ACSM2A: variants seen among roughly 807,000 people sequenced by gnomAD.
ACSM2A encodes acyl-coenzyme A synthetase ACSM2A, mitochondrial.
In ACSM2A, 72 loss-of-function variants were observed where a neutral mutation model predicts 76.6. The observed-to-expected ratio is 0.94, with a 90% CI of 0.78 to 1.14. ACSM2A has a LOEUF of 1.14. Among genes scored for constraint, ACSM2A ranks in the 50% most tolerant of loss-of-function variants. The pLI is 0.00. For missense variants in ACSM2A, 684 were observed against 708.5 expected (o/e 0.97, Z 0.39); for synonymous variants, 249 against 255.9 (o/e 0.97, Z 0.26).
chr16:20,462,689 T>C (rs373363796), intron 2 of ACSM2A, among the ~76,000 whole-genome samples: 1 of 152,086 alleles, frequency 6.6e-6, no homozygotes, highest in Non-Finnish European at 1.5e-5. Context: ...TATTTTACAA[T>C]AAAACAGAGA....
At chr16:20,464,504 G>T (rs1448293399) in intron 2 of ACSM2A, among the ~76,000 whole-genome samples, 1 of 152,092 alleles carries the variant, frequency 6.6e-6, no homozygotes, top group African/African-American at 2.4e-5. Context: ...CACAATAAAG[G>T]GCAAGATGAG....
At chr16:20,485,627 T>C (rs1475371421) in intron 13 of ACSM2A, among the ~76,000 whole-genome samples, 2 of 152,188 alleles carry the variant, frequency 1.3e-5, no homozygotes, top group Non-Finnish European at 2.9e-5. Context: ...AAACAGGAAG[T>C]GGGCTGTATT....
chr16:20,480,868 C>G lies in ACSM2A; in HGVS notation c.1456C>G (p.Pro486Ala). 3 of 1,613,888 alleles carry G rather than the reference C, an allele frequency of 1.9e-6. No individual in the cohort carries two copies. Among genetic ancestry groups the G allele is most frequent in the Non-Finnish European group, 2.5e-6 (3 of 1,179,852 alleles). ...GGTAGAGAATGCACTGATGGAGCAC[C>G]CTGCTGTGGTTGAGACGGCTGTGAT... is the stretch of plus-strand genomic sequence containing the variant. ...SEVENALMEH[P>A]AVVETAVISS... Residue 486 changes from proline to alanine, a missense_variant, in exon 12 of 14, where the codon CCT becomes GCT. Physicochemically the swap from Pro to Ala is conservative, Grantham distance 27 (BLOSUM62 -1). Transcript: ENST00000573854.
At chr16:20,464,104 G>A (rs1249742090) in intron 2 of ACSM2A, among the ~76,000 whole-genome samples, 1 of 152,134 alleles carries the variant, frequency 6.6e-6, no homozygotes, top group Non-Finnish European at 1.5e-5. Flanking sequence ...TTTGAAATCT[G>A]GTCAGCCTGC....
chr16:20,479,183 A>G (rs1162603010), intron 10 of ACSM2A, among the ~76,000 whole-genome samples: 1 of 152,168 alleles, frequency 6.6e-6, no homozygotes, highest in Non-Finnish European at 1.5e-5. Flanking sequence ...TGGTGGAGCC[A>G]GAGATTACAA....
At position 20,487,568 on chromosome 16, in the gene ACSM2A, G is replaced by C. The variant is rs988998902; in HGVS notation, c.*890G>C. 37 of 152,228 alleles carry C rather than the reference G, an allele frequency of 2.4e-4. No homozygotes were observed. Among genetic ancestry groups the C allele is most frequent in the African/African-American group, 8.4e-4 (35 of 41,446 alleles). 9.4% of individuals were successfully genotyped at this position (152,228 alleles called of 1,614,324 possible). On this transcript the variant is annotated 3_prime_UTR_variant, in exon 14 of 14. Transcript: ENST00000573854. ...TACAGACCTTAGATCATAGCTGTGAGAACAACGTAAGCACTGCCAAAGTTA... is the reference window on the plus strand; with the variant it reads ...TACAGACCTTAGATCATAGCTGTGACAACAACGTAAGCACTGCCAAAGTTA...
chr16:20,476,611 G>A (rs1237842862), intron 8 of ACSM2A: 2 of 985,676 alleles, frequency 2.0e-6, no homozygotes, highest in Non-Finnish European at 2.4e-6. Context: ...TGCTTACAAG[G>A]ACACTCAGGT....
chr16:20,484,875 G>A (rs1009347183), intron 13 of ACSM2A, among the ~76,000 whole-genome samples: 10 of 152,130 alleles, frequency 6.6e-5, no homozygotes, highest in Admixed American at 5.2e-4. Flanking sequence ...TGGCAGTGGG[G>A]TGGGACTTCT....
At chr16:20,475,180 T>A (rs1460234693) in intron 6 of ACSM2A, among the ~76,000 whole-genome samples, 182 bp from the exon 7 acceptor site, 1 of 152,204 alleles carries the variant, frequency 6.6e-6, no homozygotes, top group Non-Finnish European at 1.5e-5. Flanking sequence ...TCCCTGTTAT[T>A]TGTGTCTTCA....
intron 13 of ACSM2A, among the ~76,000 whole-genome samples, chr16:20,486,277 A>G (rs1208153462): frequency 6.6e-6 from 1 of 152,232 alleles, no homozygotes; most frequent in Non-Finnish European, 1.5e-5. Context: ...GTAGAGGAGG[A>G]GCTGGGGTCC....
intron 6 of ACSM2A, chr16:20,473,846 C>G (rs1471630449): frequency 3.4e-6 from 1 of 290,522 alleles, no homozygotes; most frequent in South Asian, 3.0e-5. Context: ...AAGATTACAA[C>G]CTGTTCTGTC....
At chr16:20,474,260 C>A (rs2013591579) in intron 6 of ACSM2A, 3 of 249,632 alleles carry the variant, frequency 1.2e-5, no homozygotes, top group Non-Finnish European at 2.4e-5. Context: ...CAAACTCAAT[C>A]CCCAGTGTAA....
At chr16:20,482,824 A>G (rs373611317) in intron 12 of ACSM2A, 15 of 442,614 alleles carry the variant, frequency 3.4e-5, no homozygotes, top group African/African-American at 2.9e-4. Context: ...TTATTGGAGT[A>G]TGAGGTGAGC....
chr16:20,479,487 G>A (rs1252934118), intron 10 of ACSM2A, among the ~76,000 whole-genome samples: 1 of 152,160 alleles, frequency 6.6e-6, no homozygotes, highest in Non-Finnish European at 1.5e-5. Context: ...TGTATTGCAT[G>A]ATCTTAGGGA....
At position 20,460,455 on chromosome 16, in the gene ACSM2A, G is replaced by C. The variant is rs558931312; in HGVS notation, c.177+164G>C. 1.1e-4 allele frequency among the ~76,000 whole-genome samples: 17 copies of C among 152,318 alleles called. No homozygotes were observed. In the South Asian group the frequency reaches 2.9e-3, roughly 26 times the overall value. ...CATGAAGGCAGTATGGTATGGGAGAGAGACAGCATGAGCTTGGAAGGAAGA... is the reference window on the plus strand; with the variant it reads ...CATGAAGGCAGTATGGTATGGGAGACAGACAGCATGAGCTTGGAAGGAAGA... On this transcript the variant is annotated intron_variant, in intron 2 of 13. Coordinates refer to ENST00000573854, the MANE Select transcript of ACSM2A (RefSeq NM_001308172.2).
At chr16:20,453,708 AG>A (rs2011928264) in intron 1 of ACSM2A, 1 of 126,958 alleles carries the variant, frequency 7.9e-6, no homozygotes, top group Non-Finnish European at 1.6e-5. Flanking sequence ...AGGATGTGCA[AG>A]TAGGAGAAAT....
rs576157667 is a variant in ACSM2A, at chr16:20,485,757, A to G, written c.1630-817A>G. On this transcript the variant is annotated intron_variant, in intron 13 of 13. Transcript: ENST00000573854. ...TTCTTATATCAGCCACTAAGAAGAT[A>G]CTTTTTCCATCTCAGTATCCCTATT... Among the ~76,000 whole-genome samples, 43 of 152,350 alleles carry G rather than the reference A, an allele frequency of 2.8e-4. 1 individual carries two copies. The highest frequency in any genetic ancestry group is 1.1e-3 in the Admixed American group (17 of 15,304).
At chr16:20,483,329 G>T in intron 13 of ACSM2A, 152 bp downstream of exon 13, 2 of 1,299,828 alleles carry the variant, frequency 1.5e-6, no homozygotes, top group South Asian at 2.8e-5. Flanking sequence ...CAGCACTTTG[G>T]GAGGCTGAGG....
rs188599825 is a variant in ACSM2A at position 20,470,871 on chromosome 16, A to G, written c.597-202A>G. Reference sequence around the variant, plus strand: ...AGTAGTTTAAGGTTGCATTGATAACAAAGTGTGAAACTTCAGTAGTTTTCA... The same window carrying G: ...AGTAGTTTAAGGTTGCATTGATAACGAAGTGTGAAACTTCAGTAGTTTTCA... On this transcript the variant is annotated intron_variant, in intron 4 of 13. Transcript: ENST00000573854. 47 of 784,692 alleles carry G rather than the reference A, an allele frequency of 6.0e-5. No homozygotes were observed. In the African/African-American group the frequency reaches 7.8e-4, roughly 13 times the overall value. 48.6% of individuals were successfully genotyped at this position (784,692 alleles called of 1,614,324 possible).
Sources: gnomAD v4.1 joint callset for allele counts (sites outside exome capture counted in the v4.1 genomes callset) on GRCh38, gnomAD v4.1.1 for gene constraint, MANE v1.5 for transcripts, NCBI Gene and HGNC (gene_info 2026-07-23, HGNC 2026-07-21) for gene names.